FRMD4A: variants seen among roughly 807,000 people sequenced by gnomAD.
FRMD4A encodes the protein FERM domain-containing protein 4A.
Under a neutral mutation model 129.1 loss-of-function variants are expected in FRMD4A, and 29 were observed. The observed-to-expected ratio is 0.22, with a 90% CI of 0.17 to 0.31. The LOEUF is 0.31. Among genes scored for constraint, FRMD4A ranks in the 10% least tolerant of loss-of-function variants. The probability of loss-of-function intolerance (pLI) is 1.00; values close to 1 mark genes in which losing one functional copy is unlikely to be tolerated. For missense variants in FRMD4A, 1,272 were observed against 1,375.8 expected (o/e 0.92, Z 1.19); for synonymous variants, 634 against 571.6 (o/e 1.11, Z -1.56).
At chr10:13,787,601 C>T (rs918562890) in intron 5 of FRMD4A, among the ~76,000 whole-genome samples, 4 of 152,104 alleles carry the variant, frequency 2.6e-5, no homozygotes, top group African/African-American at 7.2e-5. Context: ...GCTGGGACTA[C>T]AGATATAAGC....
At chr10:14,055,471 ACACACACACACACAC>A (rs1565216310) in intron 2 of FRMD4A, among the ~76,000 whole-genome samples, 3 of 110,316 alleles carry the variant, frequency 2.7e-5, no homozygotes, top group Non-Finnish European at 3.9e-5. Context: ...AAACACACAC[ACACACACACACACAC>A]ACACACACAC....
chr10:14,046,904 T>C (rs547224404), intron 2 of FRMD4A, among the ~76,000 whole-genome samples: 1 of 152,054 alleles, frequency 6.6e-6, no homozygotes, highest in Non-Finnish European at 1.5e-5. Context: ...GAGTCGCTGG[T>C]CCCTCCTAGG....
chr10:14,054,448 G>A (rs746346924), intron 2 of FRMD4A, among the ~76,000 whole-genome samples: 3 of 152,128 alleles, frequency 2.0e-5, no homozygotes, highest in Non-Finnish European at 4.4e-5. Flanking sequence ...ACACAGCTGA[G>A]GCCAGTGGAA....
chr10:14,319,263 G>A (rs1267099159), intron 2 of FRMD4A, among the ~76,000 whole-genome samples: 7 of 152,054 alleles, frequency 4.6e-5, no homozygotes, highest in Non-Finnish European at 1.0e-4. Context: ...ACATTTATGA[G>A]TGTAACAAAA....
intron 2 of FRMD4A, among the ~76,000 whole-genome samples, chr10:14,086,579 G>A (rs1342401688): frequency 6.6e-6 from 1 of 152,150 alleles, no homozygotes; most frequent in African/African-American, 2.4e-5. Context: ...CAGTGCAAAA[G>A]GTAACGGCTC....
intron 2 of FRMD4A, among the ~76,000 whole-genome samples, chr10:14,250,898 A>G (rs747373255): frequency 1.2e-4 from 19 of 152,304 alleles, no homozygotes; most frequent in Non-Finnish European, 2.6e-4. Context: ...TGAAAAACAT[A>G]ATACGAGGCC....
At chr10:13,882,228 G>A (rs1278169963) in intron 2 of FRMD4A, among the ~76,000 whole-genome samples, 2 of 152,092 alleles carry the variant, frequency 1.3e-5, no homozygotes, top group Non-Finnish European at 2.9e-5. Flanking sequence ...ACTCAGGAAA[G>A]AGAGCCCCTA....
In FRMD4A at chr10:13,660,404, A is replaced by T; in HGVS notation, c.1810T>A (p.Ser604Thr). The change falls in exon 20 of 25, where the codon TCA becomes ACA. Residue 604 changes from serine (S) to threonine (T), a missense_variant. Ser to Thr is a moderately conservative substitution (Grantham distance 58). Transcript: ENST00000357447. The part of the protein sequence containing the change: ...MHYHRNDYDK[S>T]PIKPKMWSES... ...CTCCACATTTTGGGCTTGATGGGTGACTTGTCATAGTCGTTGCGGTGATAG... is the reference window on the plus strand; with the variant it reads ...CTCCACATTTTGGGCTTGATGGGTGTCTTGTCATAGTCGTTGCGGTGATAG... The T allele has an allele frequency of 1.9e-6, 3 of 1,614,078 alleles. No individual in the cohort carries two copies. The highest frequency in any genetic ancestry group is 2.5e-6 in the Non-Finnish European group (3 of 1,179,974).
chr10:13,702,563 T>TGC (rs1398094519), intron 13 of FRMD4A, among the ~76,000 whole-genome samples: 2 of 151,042 alleles, frequency 1.3e-5, no homozygotes, highest in African/African-American at 4.9e-5. Context: ...TGTGTGTGTG[T>TGC]GTGTGCGCAT....
chr10:14,065,303 C>A (rs1835003416), intron 2 of FRMD4A, among the ~76,000 whole-genome samples: 1 of 152,190 alleles, frequency 6.6e-6, no homozygotes. Flanking sequence ...CATGCCTCAG[C>A]CTCCCGAGTA....
intron 2 of FRMD4A, among the ~76,000 whole-genome samples, chr10:13,913,501 G>A (rs905282538): frequency 3.3e-5 from 5 of 152,148 alleles, no homozygotes; most frequent in African/African-American, 1.2e-4. Flanking sequence ...CCATCCCCAG[G>A]CTTCAGGCCA....
intron 2 of FRMD4A, among the ~76,000 whole-genome samples, chr10:14,095,036 A>C (rs1836877135): frequency 6.6e-6 from 1 of 152,126 alleles, no homozygotes; most frequent in Admixed American, 6.5e-5. Flanking sequence ...ACACATGTGC[A>C]TGTGTGTGTA....
intron 2 of FRMD4A, among the ~76,000 whole-genome samples, chr10:13,938,587 A>G (rs766082542): frequency 2.0e-5 from 3 of 152,096 alleles, no homozygotes; most frequent in Non-Finnish European, 2.9e-5. Flanking sequence ...CTGTTCTTCT[A>G]TTGCCTCAAT....
intron 21 of FRMD4A, among the ~76,000 whole-genome samples, chr10:13,658,151 A>AG (rs2082335209): frequency 6.6e-6 from 1 of 150,926 alleles, no homozygotes; most frequent in Admixed American, 6.6e-5. Flanking sequence ...AAAAAAAAAA[A>AG]AAAAAAGAAA....
chr10:13,978,935 G>C (rs2095551382), intron 2 of FRMD4A, among the ~76,000 whole-genome samples: 1 of 152,098 alleles, frequency 6.6e-6, no homozygotes, highest in Non-Finnish European at 1.5e-5. Flanking sequence ...TTATACAAGT[G>C]ATCCTATGGC....
At chr10:14,325,977 G>A (rs774120319) in intron 2 of FRMD4A, among the ~76,000 whole-genome samples, 2 of 152,048 alleles carry the variant, frequency 1.3e-5, no homozygotes, top group African/African-American at 2.4e-5. Context: ...ATTCATTGTG[G>A]TTAATCACCC....
intron 2 of FRMD4A, among the ~76,000 whole-genome samples, chr10:13,962,919 T>C (rs1473861392): frequency 6.6e-6 from 1 of 152,230 alleles, no homozygotes; most frequent in Non-Finnish European, 1.5e-5. Context: ...ATATCCCTTA[T>C]GTCATGTCAG....
At chr10:13,670,684 C>G (rs1056886591) in intron 16 of FRMD4A, among the ~76,000 whole-genome samples, 156 bp from the exon 17 acceptor site, 1 of 152,204 alleles carries the variant, frequency 6.6e-6, no homozygotes, top group African/African-American at 2.4e-5. Context: ...ACATTAAGCA[C>G]TATGCCTAAG....
intron 2 of FRMD4A, among the ~76,000 whole-genome samples, chr10:13,933,681 T>A (rs533210813): frequency 6.6e-6 from 1 of 152,330 alleles, no homozygotes; most frequent in African/African-American, 2.4e-5. Flanking sequence ...TTTCCAGATT[T>A]TCAACATAAG....
Sources: allele counts gnomAD v4.1 joint callset (sites outside exome capture counted in the v4.1 genomes callset), GRCh38; gene constraint gnomAD v4.1.1; transcripts MANE v1.5; gene names NCBI Gene and HGNC (gene_info 2026-07-23, HGNC 2026-07-21).